ZFAND6: variants seen among roughly 807,000 people sequenced by gnomAD.
ZFAND6 encodes AN1-type zinc finger protein 6.
A neutral mutation model predicts 24.5 loss-of-function variants in ZFAND6; 12 were observed. That is an observed-to-expected ratio of 0.49 (90% CI 0.31 to 0.79). The LOEUF (loss-of-function observed/expected upper bound fraction) is 0.79. Among genes scored for constraint, ZFAND6 ranks in the 30% least tolerant of loss-of-function variants. The pLI is 0.04. For missense variants in ZFAND6, 207 were observed against 245.9 expected (o/e 0.84, Z 1.06); for synonymous variants, 92 against 81.5 (o/e 1.13, Z -0.69).
At position 80,080,584 on chromosome 15, in the gene ZFAND6, T is replaced by G. The variant is rs189141708; in HGVS notation, c.-180-17832T>G. On this transcript the variant is annotated intron_variant, in intron 1 of 6. Transcript: ENST00000261749. ...TAGTATCTTCAGGCTGTGGTTGATC[T>G]CAGGTAACTGAAACAGCCGACAATG... 3.9e-3 allele frequency among the ~76,000 whole-genome samples: 598 copies of G among 152,346 alleles called. 4 individuals carry two copies. Among genetic ancestry groups the G allele is most frequent in the African/African-American group, 0.014 (581 of 41,584 alleles).
chr15:80,097,480 T>G (rs2038792928), intron 1 of ZFAND6, among the ~76,000 whole-genome samples: 1 of 151,974 alleles, frequency 6.6e-6, no homozygotes, highest in Non-Finnish European at 1.5e-5. Context: ...AAACTCTGTT[T>G]CTACAAAAAA....
At chr15:80,063,536 C>T (rs1056547525) in intron 1 of ZFAND6, among the ~76,000 whole-genome samples, 4 of 151,402 alleles carry the variant, frequency 2.6e-5, no homozygotes, top group Non-Finnish European at 4.4e-5. Context: ...AGACTACAGA[C>T]ATGCACCACC....
At chr15:80,072,081 T>C (rs991233921) in intron 1 of ZFAND6, among the ~76,000 whole-genome samples, 1 of 152,132 alleles carries the variant, frequency 6.6e-6, no homozygotes, top group Non-Finnish European at 1.5e-5. Context: ...GTTATAGTTT[T>C]CTCTTTAAGT....
At chr15:80,073,237 T>G (rs2037076565) in intron 1 of ZFAND6, 2 of 262,332 alleles carry the variant, frequency 7.6e-6, no homozygotes, top group Non-Finnish European at 1.6e-5. Flanking sequence ...TTCTTCTTAC[T>G]TCATTCAAAC....
At chr15:80,118,677 C>T (rs1298647435) in intron 2 of ZFAND6, among the ~76,000 whole-genome samples, 1 of 151,922 alleles carries the variant, frequency 6.6e-6, no homozygotes, top group Non-Finnish European at 1.5e-5. Context: ...AATGACTTGT[C>T]ATCATGGAAT....
At chr15:80,131,020 A>G in intron 5 of ZFAND6, 160 bp from the exon 6 acceptor site, 1 of 494,030 alleles carries the variant, frequency 2.0e-6, no homozygotes, top group Non-Finnish European at 3.6e-6. Context: ...TTTAACAAAA[A>G]GGGGTCATAT....
At chr15:80,122,399 T>C (rs1322704225) in intron 4 of ZFAND6, among the ~76,000 whole-genome samples, 1 of 152,126 alleles carries the variant, frequency 6.6e-6, no homozygotes, top group East Asian at 1.9e-4. Context: ...ATTTACAGCT[T>C]TGTCTTAGGG....
intron 1 of ZFAND6, among the ~76,000 whole-genome samples, chr15:80,061,030 A>G (rs892772162): frequency 2.0e-5 from 3 of 152,188 alleles, no homozygotes; most frequent in African/African-American, 7.2e-5. Flanking sequence ...AATACCATAA[A>G]CTTTTAAGGT....
intron 1 of ZFAND6, among the ~76,000 whole-genome samples, chr15:80,081,449 A>G (rs1318475004): frequency 6.6e-6 from 1 of 152,248 alleles, no homozygotes; most frequent in African/African-American, 2.4e-5. Context: ...AGAACCAAGC[A>G]GCTCCCAGAA....
chr15:80,079,649 C>CT (rs574842440), intron 1 of ZFAND6, among the ~76,000 whole-genome samples: 2,412 of 120,430 alleles, frequency 0.02, 83 homozygotes, highest in African/African-American at 0.054. Flanking sequence ...TTTTCCTTAG[C>CT]TTTTTTTTTT....
intron 2 of ZFAND6, among the ~76,000 whole-genome samples, chr15:80,103,107 G>A (rs1218925700): frequency 6.6e-6 from 1 of 152,208 alleles, no homozygotes; most frequent in African/African-American, 2.4e-5. Flanking sequence ...GTCAGCAAGA[G>A]CTGATTTATA....
At chr15:80,114,012 G>T (rs2039740834) in intron 2 of ZFAND6, among the ~76,000 whole-genome samples, 1 of 152,068 alleles carries the variant, frequency 6.6e-6, no homozygotes. Context: ...TACAAAGGTA[G>T]ATGGGATATA....
At chr15:80,105,609 G>C (rs148539995) in intron 2 of ZFAND6, among the ~76,000 whole-genome samples, 25 of 152,166 alleles carry the variant, frequency 1.6e-4, no homozygotes, top group Admixed American at 1.2e-3. Context: ...AGTTAGAAAG[G>C]ACAGGCATCA....
intron 1 of ZFAND6, among the ~76,000 whole-genome samples, chr15:80,064,997 T>TC (rs368302343): frequency 4.7e-5 from 4 of 85,676 alleles, no homozygotes; most frequent in East Asian, 2.9e-4. Flanking sequence ...TCTCTCTCTC[T>TC]CCCCCTTTTT....
chr15:80,101,694 A>G (rs1032211236), intron 2 of ZFAND6, among the ~76,000 whole-genome samples: 1 of 152,120 alleles, frequency 6.6e-6, no homozygotes, highest in Non-Finnish European at 1.5e-5. Context: ...CTTGTATCAG[A>G]TATAACTCCA....
intron 1 of ZFAND6, among the ~76,000 whole-genome samples, chr15:80,089,492 G>A (rs1030890372): frequency 1.3e-5 from 2 of 152,014 alleles, no homozygotes; most frequent in Non-Finnish European, 2.9e-5. Context: ...CTGGGCTCAA[G>A]TGATCTGCCT....
At position 80,066,807 on chromosome 15, in the gene ZFAND6, G is replaced by A. The variant is rs931178947; in HGVS notation, c.-181+6998G>A. Among the ~76,000 whole-genome samples, 12 of 150,028 alleles carry A rather than the reference G, an allele frequency of 8.0e-5. No individual in the cohort carries two copies. In the East Asian group the frequency reaches 2.2e-3, roughly 27 times the overall value. On this transcript the variant is annotated intron_variant, in intron 1 of 6. Coordinates refer to ENST00000261749, the MANE Select transcript of ZFAND6 (RefSeq NM_019006.4). ...AGCTACTCGGGAGGCTGAGGCAGGAGAATCACTTGAAACTTAGAGGCGGAG... is the reference window on the plus strand; with the variant it reads ...AGCTACTCGGGAGGCTGAGGCAGGAAAATCACTTGAAACTTAGAGGCGGAG...
At chr15:80,134,274 G>A (rs1376416252) in intron 6 of ZFAND6, among the ~76,000 whole-genome samples, 1 of 152,230 alleles carries the variant, frequency 6.6e-6, no homozygotes, top group Non-Finnish European at 1.5e-5. Context: ...ACAGGCACGA[G>A]CCACAGCTCC....
chr15:80,125,742 T>A (rs1048257116), intron 5 of ZFAND6, among the ~76,000 whole-genome samples: 2 of 152,178 alleles, frequency 1.3e-5, no homozygotes, highest in African/African-American at 4.8e-5. Flanking sequence ...ATGCTTAAAT[T>A]TGGTCAACCT....
Sources: gnomAD v4.1 joint callset for allele counts (sites outside exome capture counted in the v4.1 genomes callset) on GRCh38, gnomAD v4.1.1 for gene constraint, MANE v1.5 for transcripts, NCBI Gene and HGNC (gene_info 2026-07-23, HGNC 2026-07-21) for gene names.